Variants in ARMH3 observed in about 807,000 individuals in gnomAD.
ARMH3 encodes armadillo-like helical domain-containing protein 3.
Under a neutral mutation model 99.1 loss-of-function variants are expected in ARMH3, and 60 were observed. That is an observed-to-expected ratio of 0.61 (90% CI 0.49 to 0.75). ARMH3 has a LOEUF of 0.75. Among genes scored for constraint, ARMH3 ranks in the 30% least tolerant of loss-of-function variants. ARMH3 has a pLI of 0.00. For synonymous variants in ARMH3, 285 were observed against 292.8 expected, an observed-to-expected ratio of 0.97 and a Z score of 0.27; for missense variants, 679 against 843.1, an observed-to-expected ratio of 0.81 and a Z score of 2.41.
Position 101,960,838 on chromosome 10 carries a change from C to A in ARMH3, c.1496-3106G>T, listed in dbSNP as rs559005614. On this transcript the variant is annotated intron_variant, in intron 20 of 25. Transcript: ENST00000370033. The stretch of plus-strand genomic sequence containing the variant: ...CTGGAAGGCGGAGTTTGCAGTGAGC[C>A]GAGATTGCACCACAGCACTCTAGCC... Among the ~76,000 whole-genome samples, 49 of 147,920 alleles carry A rather than the reference C, an allele frequency of 3.3e-4. 1 individual carries two copies. Among genetic ancestry groups the A allele is most frequent in the Admixed American group, 4.1e-4 (6 of 14,528 alleles).
chr10:101,995,478 T>TA (rs890816595), intron 15 of ARMH3, 123 bp from the exon 16 acceptor site: 2 of 796,264 alleles, frequency 2.5e-6, no homozygotes, highest in Non-Finnish European at 4.0e-6. Context: ...ACAAAATCCA[T>TA]AAATGAAAAT....
At position 101,990,626 on chromosome 10, in the gene ARMH3, G is replaced by C. The variant is rs190644291; in HGVS notation, c.1346-15C>G. On this transcript the variant is annotated splice_polypyrimidine_tract_variant and intron_variant, in intron 18 of 25. Transcript: ENST00000370033. Reference sequence around the variant, plus strand: ...TACCATCAGGTCTGAAAGGGGAATAGAGAAAAACTGGATCAATTACAATGG... The same window carrying C: ...TACCATCAGGTCTGAAAGGGGAATACAGAAAAACTGGATCAATTACAATGG... 6.3e-6 allele frequency: 10 copies of C among 1,588,138 alleles called. No homozygotes were observed. Among genetic ancestry groups the C allele is most frequent in the Admixed American group, 3.4e-5 (2 of 58,514 alleles).
intron 19 of ARMH3, among the ~76,000 whole-genome samples, chr10:101,980,267 A>C (rs1020095978): frequency 1.3e-5 from 2 of 152,122 alleles, no homozygotes; most frequent in African/African-American, 4.8e-5. Flanking sequence ...AGGTAAATGA[A>C]ACCGGCTCCT....
intron 13 of ARMH3, 120 bp downstream of exon 13, chr10:102,009,254 A>T: frequency 1.2e-6 from 1 of 851,872 alleles, no homozygotes; most frequent in Non-Finnish European, 1.9e-6. Context: ...ACTCCTTGTT[A>T]CTACCACTTA....
At chr10:101,981,165 T>C (rs1015180965) in intron 19 of ARMH3, among the ~76,000 whole-genome samples, 2 of 152,046 alleles carry the variant, frequency 1.3e-5, no homozygotes, top group African/African-American at 4.8e-5. Flanking sequence ...AATCGTTTTT[T>C]TGTTTTTTTA....
At chr10:101,993,000 G>A (rs889612723) in intron 17 of ARMH3, among the ~76,000 whole-genome samples, 2 of 152,034 alleles carry the variant, frequency 1.3e-5, no homozygotes, top group Non-Finnish European at 2.9e-5. Flanking sequence ...GCCAGGCGCG[G>A]TGGCTCACAC....
intron 11 of ARMH3, among the ~76,000 whole-genome samples, chr10:102,010,724 A>G (rs1042970879): frequency 1.3e-5 from 2 of 152,232 alleles, no homozygotes; most frequent in Admixed American, 1.3e-4. Context: ...TGTTTGGTAC[A>G]AAACTTTCTG....
chr10:101,914,414 G>A (rs1186842878), intron 23 of ARMH3, among the ~76,000 whole-genome samples: 1 of 150,374 alleles, frequency 6.7e-6, no homozygotes, highest in Non-Finnish European at 1.5e-5. Context: ...TTTGAACTCA[G>A]GAGGCAGAGG....
chr10:101,898,107 C>T (rs958986796), intron 23 of ARMH3, among the ~76,000 whole-genome samples: 4 of 151,876 alleles, frequency 2.6e-5, no homozygotes, highest in African/African-American at 7.3e-5. Context: ...GGACCAGGCA[C>T]GGTGGCTCTC....
At chr10:102,032,898 G>T in intron 4 of ARMH3, 128 bp downstream of exon 4, 1 of 1,018,898 alleles carries the variant, frequency 9.8e-7, no homozygotes, top group Non-Finnish European at 1.4e-6. Flanking sequence ...ATAAATATTT[G>T]GTAACTTACA....
chr10:102,023,490 T>C lies in ARMH3; in HGVS notation c.656A>G (p.Tyr219Cys). ...GAGCCCAGTTACCTCATATTTTCTA[T>C]AGTTCACCAGCAAAGCCAAGAGGAC... ...AVVLLALLVN[Y>C]RKYESVNPYI... is the part of the protein sequence containing the mutation. Residue 219 changes from tyrosine to cysteine, a missense_variant, in exon 8 of 26, where the codon TAT becomes TGT. Tyr to Cys is a radical substitution (Grantham distance 194, BLOSUM62 -2). Transcript: ENST00000370033. 6.2e-7 allele frequency: 1 copy of C among 1,613,884 alleles called. No homozygotes were observed. The highest frequency in any genetic ancestry group is 8.5e-7 in the Non-Finnish European group (1 of 1,179,832).
rs1156912192 is a variant in ARMH3 at position 102,023,467 on chromosome 10, G to A, written c.669+10C>T. 1.9e-6 allele frequency: 3 copies of A among 1,610,116 alleles called. No individual in the cohort carries two copies. The highest frequency in any genetic ancestry group is 2.5e-6 in the Non-Finnish European group (3 of 1,176,828). ...GCAGATAACAACTGTCCACTAAGGA[G>A]CCCAGTTACCTCATATTTTCTATAG... On this transcript the variant is annotated intron_variant, in intron 8 of 25. Coordinates refer to ENST00000370033, the MANE Select transcript of ARMH3 (RefSeq NM_024541.3).
At chr10:101,914,316 G>A (rs542355501) in intron 23 of ARMH3, among the ~76,000 whole-genome samples, 7 of 151,508 alleles carry the variant, frequency 4.6e-5, no homozygotes, top group East Asian at 3.9e-4. Context: ...GTGAAACTCC[G>A]TCTCTACTAA....
intron 23 of ARMH3, among the ~76,000 whole-genome samples, chr10:101,897,883 A>T (rs992005188): frequency 1.3e-5 from 2 of 152,190 alleles, no homozygotes; most frequent in African/African-American, 2.4e-5. Flanking sequence ...AAGTGGATAG[A>T]TGGAACAGTA....
chr10:101,948,690 A>T (rs952795766), intron 22 of ARMH3, among the ~76,000 whole-genome samples: 3 of 152,206 alleles, frequency 2.0e-5, no homozygotes, highest in Non-Finnish European at 4.4e-5. Context: ...CTGTCCCTTT[A>T]TAATAAGTAG....
intron 24 of ARMH3, among the ~76,000 whole-genome samples, chr10:101,866,029 T>C (rs2066993984): frequency 6.6e-6 from 1 of 151,734 alleles, no homozygotes; most frequent in Admixed American, 6.6e-5. Flanking sequence ...AAGACCAGCC[T>C]GGCCAACATG....
intron 8 of ARMH3, among the ~76,000 whole-genome samples, chr10:102,017,706 C>T (rs191147776): frequency 2.6e-5 from 4 of 152,266 alleles, no homozygotes; most frequent in Non-Finnish European, 5.9e-5. Context: ...CCCTCCAGAT[C>T]ATCAGTAAAA....
chr10:101,991,927 C>G (rs1261755345), intron 18 of ARMH3, 42 bp downstream of exon 18: 1 of 1,528,226 alleles, frequency 6.5e-7, no homozygotes, highest in Non-Finnish European at 9.1e-7. Context: ...GAAAGCCTAT[C>G]GCTGTCACAG....
chr10:101,906,794 A>C (rs1212231103), intron 23 of ARMH3, among the ~76,000 whole-genome samples: 3 of 152,208 alleles, frequency 2.0e-5, no homozygotes, highest in Admixed American at 6.5e-5. Context: ...TCAAGAGGCA[A>C]GACCATGCTG....
Sources: allele counts gnomAD v4.1 joint callset (sites outside exome capture counted in the v4.1 genomes callset), GRCh38; gene constraint gnomAD v4.1.1; transcripts MANE v1.5; gene names NCBI Gene and HGNC (gene_info 2026-07-23, HGNC 2026-07-21).